The following TNC variants were observed in gnomAD, a reference collection of about 807,000 sequenced individuals.
TNC encodes the protein tenascin C, also known as tenascin.
Under a neutral mutation model 202.4 loss-of-function variants are expected in TNC, and 109 were observed. That is an observed-to-expected ratio of 0.54 (90% confidence interval 0.46 to 0.63). The LOEUF (loss-of-function observed/expected upper bound fraction) is 0.63, where lower values mean the gene tolerates loss of function less well. TNC is among the 30% of genes least tolerant of loss of function. The pLI, the probability that TNC is intolerant of heterozygous loss-of-function variation, is 0.00. For synonymous variants in TNC, 1,007 were observed against 1,089.7 expected, an observed-to-expected ratio of 0.92 and a Z score of 1.50; for missense variants, 2,756 against 2,833.3, an observed-to-expected ratio of 0.97 and a Z score of 0.62.
chr9:115,064,755 G>A lies in TNC; in HGVS notation c.3379C>T (p.Arg1127Trp), dbSNP rs775276668. Reference protein sequence around the residue: ...ARNLTVPGSLRAVDIPGLKAA... With the variant: ...ARNLTVPGSLWAVDIPGLKAA... ...TTGAGGCCCGGTATGTCCACAGCCC[G>A]AAGGCTGCCAGGCACGGTGAGGTTC... The change falls in exon 11 of 28, where the codon CGG becomes TGG. Residue 1127 changes from arginine (R) to tryptophan (W), a missense_variant. Arg to Trp is a moderately radical substitution (Grantham distance 101). This residue lies in a region of TNC where 2,559 missense variants were observed against 2,546.0 expected (regional missense o/e 1.01). Coordinates refer to ENST00000350763, the MANE Select transcript of TNC (RefSeq NM_002160.4). 29 of 1,614,126 alleles carry A rather than the reference G, an allele frequency of 1.8e-5. No individual in the cohort carries two copies. The highest frequency in any genetic ancestry group is 7.7e-5 in the South Asian group (7 of 91,080).
At chr9:115,074,978 A>C (rs945996269) in intron 9 of TNC, among the ~76,000 whole-genome samples, 1 of 152,118 alleles carries the variant, frequency 6.6e-6, no homozygotes, top group South Asian at 2.1e-4. Flanking sequence ...TCACAATTGC[A>C]TGTGAATCTA....
At chr9:115,112,227 G>C (rs1327499322) in intron 1 of TNC, among the ~76,000 whole-genome samples, 1 of 152,126 alleles carries the variant, frequency 6.6e-6, no homozygotes, top group East Asian at 1.9e-4. Flanking sequence ...ATTCCAACCT[G>C]ACCCTGTTGC....
intron 1 of TNC, among the ~76,000 whole-genome samples, chr9:115,097,037 A>G (rs1835849718): frequency 6.6e-6 from 1 of 152,228 alleles, no homozygotes; most frequent in Non-Finnish European, 1.5e-5. Flanking sequence ...GCTGTCCTGC[A>G]CTGCTGTGCT....
chr9:115,116,493 G>T (rs1228997409), intron 1 of TNC, among the ~76,000 whole-genome samples: 1 of 152,174 alleles, frequency 6.6e-6, no homozygotes, highest in Non-Finnish European at 1.5e-5. Flanking sequence ...AATTGGGCTT[G>T]CCTGGCTGGG....
At position 115,030,345 on chromosome 9, in the gene TNC, G is replaced by A. The variant is rs1258041916; in HGVS notation, c.5981C>T (p.Thr1994Ile). The part of the protein sequence containing the change: ...CSQAMLNGDT[T>I]SGLYTIYLNG... The stretch of plus-strand genomic sequence containing the variant: ...CAGATAAATGGTGTAGAGGCCAGAG[G>A]TCGTGTCTCCATTCAGCATTGCTTG... The change falls in exon 24 of 28, where the codon ACC becomes ATC. Residue 1994 changes from threonine to isoleucine, a missense_variant. Thr to Ile is a moderately conservative substitution (Grantham distance 89). Transcript: ENST00000350763. 1.2e-6 allele frequency: 2 copies of A among 1,613,972 alleles called. No homozygotes were observed. The highest frequency in any genetic ancestry group is 1.3e-5 in the African/African-American group (1 of 74,922).
intron 1 of TNC, among the ~76,000 whole-genome samples, chr9:115,093,667 T>A (rs920759712): frequency 2.0e-5 from 3 of 152,038 alleles, no homozygotes; most frequent in Non-Finnish European, 2.9e-5. Flanking sequence ...GTTTGAAATG[T>A]TTTTGGACTT....
chr9:115,036,365 G>C (rs1830335680), intron 20 of TNC, 124 bp from the exon 21 acceptor site: 1 of 1,103,968 alleles, frequency 9.1e-7, no homozygotes, highest in African/African-American at 1.6e-5. Flanking sequence ...CGGAAAAGCA[G>C]GTCTGATTTC....
chr9:115,064,562 A>T (rs1373393485), intron 11 of TNC, 85 bp downstream of exon 11: 1 of 1,480,684 alleles, frequency 6.8e-7, no homozygotes. Context: ...GAACAAGTCC[A>T]TTCCAAAGCT....
intron 1 of TNC, among the ~76,000 whole-genome samples, chr9:115,111,110 T>C (rs1418619660): frequency 5.3e-5 from 8 of 152,054 alleles, no homozygotes; most frequent in Non-Finnish European, 1.0e-4. Flanking sequence ...TTATTACTCA[T>C]CAGTGAGGGT....
chr9:115,088,191 G>A (rs1834944099), intron 2 of TNC, among the ~76,000 whole-genome samples: 1 of 152,140 alleles, frequency 6.6e-6, no homozygotes, highest in Non-Finnish European at 1.5e-5. Flanking sequence ...CACTTCCCTG[G>A]GGTATATCCG....
chr9:115,028,085 C>T (rs1829652146), intron 25 of TNC, among the ~76,000 whole-genome samples: 1 of 152,158 alleles, frequency 6.6e-6, no homozygotes, highest in African/African-American at 2.4e-5. Flanking sequence ...TATCAAAACT[C>T]ATTTTGCAAC....
intron 16 of TNC, among the ~76,000 whole-genome samples, chr9:115,047,336 A>G (rs769344305): frequency 4.0e-5 from 6 of 151,102 alleles, no homozygotes; most frequent in Admixed American, 6.6e-5. Flanking sequence ...TTTGTGCTAC[A>G]TACTGTGGAC....
intron 15 of TNC, among the ~76,000 whole-genome samples, chr9:115,051,563 G>T: frequency 7.0e-6 from 1 of 143,616 alleles, no homozygotes; most frequent in Non-Finnish European, 1.5e-5. Context: ...TGACAGTACT[G>T]GTAAATGCAT....
chr9:115,078,572 C>T (rs1227305074), intron 6 of TNC, among the ~76,000 whole-genome samples: 1 of 151,216 alleles, frequency 6.6e-6, no homozygotes, highest in Admixed American at 6.6e-5. Context: ...TTTGGGGATA[C>T]TTTATTTGAA....
chr9:115,116,152 G>A (rs574282388), intron 1 of TNC, among the ~76,000 whole-genome samples: 24 of 152,280 alleles, frequency 1.6e-4, no homozygotes, highest in South Asian at 8.3e-4. Flanking sequence ...GGGCTGAAAC[G>A]TTAGTCACTT....
intron 15 of TNC, among the ~76,000 whole-genome samples, chr9:115,052,035 A>G (rs533048425): frequency 8.5e-6 from 1 of 117,446 alleles, no homozygotes; most frequent in South Asian, 2.6e-4. Flanking sequence ...TAGATAGATC[A>G]TATTTATATA....
Position 115,087,038 on chromosome 9 carries a change from G to C in TNC, c.693C>G (p.Cys231Trp). 1 of 1,613,424 alleles carries C rather than the reference G, an allele frequency of 6.2e-7. No individual in the cohort carries two copies. Among genetic ancestry groups the C allele is most frequent in the South Asian group, 1.1e-5 (1 of 91,056 alleles). The change falls in exon 3 of 28, where the codon TGC (cysteine) becomes TGG (tryptophan). Residue 231 changes from cysteine (C) to tryptophan (W), a missense_variant. Physicochemically the swap from Cys to Trp is radical, Grantham distance 215 (BLOSUM62 -2). Around this residue, in one of 2 missense-constraint regions of TNC, gnomAD observed 2,559 missense variants for 2,546.0 expected, o/e 1.01. Transcript: ENST00000350763. Reference protein sequence around the residue: ...CPSDCNDQGKCVNGVCICFEG... With the variant: ...CPSDCNDQGKWVNGVCICFEG... ...CGAAACAGATGCAGACTCCATTTAC[G>C]CACTTGCCCTGGTCATTGCAGTCGC...
Position 115,075,971 on chromosome 9 carries a change from T to C in TNC, c.2950+61A>G, listed in dbSNP as rs528440474. The C allele has an allele frequency of 1.8e-5, 26 of 1,476,804 alleles. No homozygotes were observed. The South Asian group carries it at 2.6e-4, about 15-fold the overall frequency. The allele number at this position is 1,476,804 out of a possible 1,614,324, so 91.5% of individuals were successfully genotyped here. A position where few individuals can be genotyped will look rare whatever the true frequency, so the allele number is the denominator to read the frequency against. ...CTCTTTAAATAGGTTTTGGCCACAT[T>C]GACTCTGTCTCATCTGCCCAGCACC... is the stretch of plus-strand genomic sequence containing the variant. On this transcript the variant is annotated intron_variant, in intron 9 of 27. Transcript: ENST00000350763.
At chr9:115,036,049 G>A in intron 21 of TNC, 49 bp downstream of exon 21, 1 of 1,607,490 alleles carries the variant, frequency 6.2e-7, no homozygotes, top group Non-Finnish European at 8.5e-7. Context: ...TGCAGGCTGT[G>A]GGTGGGCACC....
Sources: allele counts gnomAD v4.1 joint callset (sites outside exome capture counted in the v4.1 genomes callset), GRCh38; gene constraint gnomAD v4.1.1; regional missense constraint gnomAD v4.1.1; transcripts MANE v1.5; gene names NCBI Gene and HGNC (gene_info 2026-07-23, HGNC 2026-07-21).